The following MACC1 variants were observed in gnomAD, a reference collection of about 807,000 sequenced individuals.
The protein encoded by MACC1 is MET transcriptional regulator MACC1, also known as metastasis-associated in colon cancer protein 1.
In MACC1, 79 loss-of-function variants were observed where a neutral mutation model predicts 70.7. That is an observed-to-expected ratio of 1.12 (90% CI 0.93 to 1.35). MACC1 has a LOEUF of 1.35. MACC1 is among the 40% of genes most tolerant of loss of function. The pLI is 0.00. For synonymous variants in MACC1, 361 were observed against 347.2 expected, an observed-to-expected ratio of 1.04 and a Z score of -0.44; for missense variants, 1,106 against 978.1, an observed-to-expected ratio of 1.13 and a Z score of -1.74.
chr7:20,151,145 ATTG>A (rs2128101417), intron 6 of MACC1, among the ~76,000 whole-genome samples: 1 of 152,196 alleles, frequency 6.6e-6, no homozygotes, highest in Admixed American at 6.5e-5. Context: ...CATAATCTAT[ATTG>A]TTAAGCAAGG....
intron 1 of MACC1, among the ~76,000 whole-genome samples, chr7:20,178,308 T>A (rs1782429777): frequency 2.0e-5 from 3 of 151,370 alleles, no homozygotes; most frequent in Admixed American, 1.3e-4. Context: ...CTCCAGAGAA[T>A]AATTGATTCA....
intron 1 of MACC1, among the ~76,000 whole-genome samples, chr7:20,203,674 G>A (rs1782866486): frequency 6.6e-6 from 1 of 152,158 alleles, no homozygotes; most frequent in South Asian, 2.1e-4. Context: ...TCCTCTCAGT[G>A]TTCATTCCCC....
chr7:20,149,354 C>A (rs984427745), intron 6 of MACC1, among the ~76,000 whole-genome samples: 6 of 152,110 alleles, frequency 3.9e-5, no homozygotes, highest in Non-Finnish European at 5.9e-5. Context: ...TTTCCTCTTC[C>A]TCTTCATTAA....
At position 20,160,162 on chromosome 7, in the gene MACC1, A is replaced by C; in HGVS notation, c.199T>G (p.Phe67Val). ...TTAGAAGCAGACAGTTGATTCCAGA[A>C]TGGATTTGCAACTTTGGAAGCATTA... ...GNNASKVANPFWNQLSASNPF... is the reference protein window; with the variant it reads ...GNNASKVANPVWNQLSASNPF... Residue 67 changes from phenylalanine (F) to valine (V), a missense_variant, in exon 5 of 7, where the codon TTC (phenylalanine) becomes GTC (valine). Coordinates refer to ENST00000400331, the MANE Select transcript of MACC1 (RefSeq NM_182762.4). 1.2e-6 allele frequency: 2 copies of C among 1,611,916 alleles called. No individual in the cohort carries two copies. The highest frequency in any genetic ancestry group is 2.7e-5 in the African/African-American group (2 of 74,868).
intron 1 of MACC1, among the ~76,000 whole-genome samples, 186 bp downstream of exon 1, chr7:20,217,113 C>T (rs1276671996): frequency 6.6e-6 from 1 of 152,076 alleles, no homozygotes; most frequent in Non-Finnish European, 1.5e-5. Context: ...TATTCTATGT[C>T]ATGAGGTTTA....
intron 6 of MACC1, chr7:20,153,666 G>C (rs1336038067): frequency 1.3e-5 from 2 of 152,468 alleles, no homozygotes; most frequent in African/African-American, 2.4e-5. Context: ...GATGCCTGTA[G>C]TTACTGTAGG....
intron 1 of MACC1, among the ~76,000 whole-genome samples, chr7:20,208,544 T>C (rs997218914): frequency 2.0e-5 from 3 of 152,112 alleles, no homozygotes; most frequent in Non-Finnish European, 4.4e-5. Context: ...AACTTTGAAC[T>C]TGAGAGAGAT....
At chr7:20,184,984 C>A (rs1185176490) in intron 1 of MACC1, 2 of 152,072 alleles carry the variant, frequency 1.3e-5, no homozygotes, top group African/African-American at 4.8e-5. Context: ...TCAACTTGAA[C>A]TTACTTCAGG....
In MACC1 at chr7:20,136,407, C is replaced by T. The variant is rs1243604529; in HGVS notation, c.*4539G>A. ...AAACTGACACTATTATTCAAAATTACAAAACTATTTATTAGGGTTAAAACT... is the reference window on the plus strand; with the variant it reads ...AAACTGACACTATTATTCAAAATTATAAAACTATTTATTAGGGTTAAAACT... On this transcript the variant is annotated 3_prime_UTR_variant, in exon 7 of 7. Coordinates refer to ENST00000400331, the MANE Select transcript of MACC1 (RefSeq NM_182762.4). The T allele has an allele frequency of 1.3e-5, 2 of 152,110 alleles. No individual in the cohort carries two copies. The highest frequency in any genetic ancestry group is 1.3e-4 in the Admixed American group (2 of 15,280). The allele number at this position is 152,110 out of a possible 1,614,324, so 9.4% of individuals were successfully genotyped here.
chr7:20,156,722 A>G (rs1469616289), intron 5 of MACC1, among the ~76,000 whole-genome samples: 1 of 152,234 alleles, frequency 6.6e-6, no homozygotes, highest in Non-Finnish European at 1.5e-5. Context: ...TTCTCTAAGT[A>G]TCACTGTAGA....
chr7:20,161,974 T>C lies in MACC1; in HGVS notation c.-8-104A>G, dbSNP rs1186821681. 5.9e-6 allele frequency: 4 copies of C among 682,958 alleles called. No homozygotes were observed. In the East Asian group the frequency reaches 1.1e-4, roughly 19 times the overall value. 42.3% of individuals were successfully genotyped at this position (682,958 alleles called of 1,614,324 possible). On this transcript the variant is annotated intron_variant, in intron 3 of 6. Transcript: ENST00000400331. ...ACGTATTTCTATAAAGAACTACATGTGAAAATCCTCTATATAAATCTTCTA... is the reference window on the plus strand; with the variant it reads ...ACGTATTTCTATAAAGAACTACATGCGAAAATCCTCTATATAAATCTTCTA...
At chr7:20,144,349 T>C (rs902107989) in intron 6 of MACC1, among the ~76,000 whole-genome samples, 1 of 152,326 alleles carries the variant, frequency 6.6e-6, no homozygotes, top group Non-Finnish European at 1.5e-5. Context: ...ATTACTTGCA[T>C]ATTTTAAATC....
intron 1 of MACC1, chr7:20,198,428 G>C (rs941774198): frequency 1.3e-5 from 2 of 152,208 alleles, no homozygotes; most frequent in Non-Finnish European, 2.9e-5. Context: ...AACAGAACAG[G>C]ACTGCCAAAA....
At chr7:20,192,539 G>A (rs897384767) in intron 1 of MACC1, among the ~76,000 whole-genome samples, 2 of 152,096 alleles carry the variant, frequency 1.3e-5, no homozygotes, top group Non-Finnish European at 2.9e-5. Flanking sequence ...TACCCATCTT[G>A]AACTTTCCAA....
intron 1 of MACC1, among the ~76,000 whole-genome samples, chr7:20,196,513 A>G (rs3095212): frequency 0.4 from 60,321 of 151,930 alleles, 12,755 homozygotes; most frequent in East Asian, 0.84. Flanking sequence ...TACTTTTGTA[A>G]TTAGGTACAT....
At chr7:20,178,298 CT>C (rs1225979176) in intron 1 of MACC1, among the ~76,000 whole-genome samples, 8 of 43,030 alleles carry the variant, frequency 1.9e-4, no homozygotes, top group African/African-American at 1.1e-3. Flanking sequence ...CACACACACA[CT>C]CCAGAGAATA....
chr7:20,210,162 T>C (rs1782975167), intron 1 of MACC1, among the ~76,000 whole-genome samples: 1 of 152,214 alleles, frequency 6.6e-6, no homozygotes, highest in African/African-American at 2.4e-5. Context: ...AGCATAATTG[T>C]GATTTGTAGA....
Position 20,138,568 on chromosome 7 carries a change from T to C in MACC1, c.*2378A>G, listed in dbSNP as rs1272552799. On this transcript the variant is annotated 3_prime_UTR_variant, in exon 7 of 7. Transcript: ENST00000400331. ...AAAACTGTGCTTTTTTTTCCTTCTC[T>C]CATAATTTATTTTTAATTAAAATAA... 1 of 152,160 alleles carries C rather than the reference T, an allele frequency of 6.6e-6. No homozygotes were observed. The highest frequency in any genetic ancestry group is 1.5e-5 in the Non-Finnish European group (1 of 68,020). 9.4% of individuals were successfully genotyped at this position (152,160 alleles called of 1,614,324 possible).
In MACC1 at chr7:20,134,884, C is replaced by T. The variant is rs913190730; in HGVS notation, c.*6062G>A. On this transcript the variant is annotated 3_prime_UTR_variant, in exon 7 of 7. Transcript: ENST00000400331. ...AAGGAAATGATGGCAGAGGATAAAACGTGATACGTCAATCTCAAAGTGAGA... is the reference window on the plus strand; with the variant it reads ...AAGGAAATGATGGCAGAGGATAAAATGTGATACGTCAATCTCAAAGTGAGA... 2 of 152,112 alleles carry T rather than the reference C, an allele frequency of 1.3e-5. No individual in the cohort carries two copies. The highest frequency in any genetic ancestry group is 1.5e-5 in the Non-Finnish European group (1 of 68,010). 9.4% of individuals were successfully genotyped at this position (152,112 alleles called of 1,614,324 possible).
Sources: allele counts gnomAD v4.1 joint callset (sites outside exome capture counted in the v4.1 genomes callset), GRCh38; gene constraint gnomAD v4.1.1; transcripts MANE v1.5; gene names NCBI Gene and HGNC (gene_info 2026-07-23, HGNC 2026-07-21).